The following VIL1 variants were observed in gnomAD, a reference collection of about 807,000 sequenced individuals.
The protein encoded by VIL1 is villin-1.
A neutral mutation model predicts 104.0 loss-of-function variants in VIL1; 86 were observed. The ratio of observed to expected loss-of-function variants is 0.83; its 90% CI spans 0.69 to 0.99. The LOEUF (loss-of-function observed/expected upper bound fraction) is 0.99, where lower values mean the gene tolerates loss of function less well. Among genes scored for constraint, VIL1 ranks in the 50% least tolerant of loss-of-function variants. VIL1 has a pLI of 0.00. For missense variants in VIL1, 944 were observed against 1,054.1 expected, an observed-to-expected ratio of 0.90 and a Z score of 1.45; for synonymous variants, 394 against 412.6, an observed-to-expected ratio of 0.95 and a Z score of 0.55.
In VIL1 at chr2:218,431,947, G is replaced by A; in HGVS notation, c.1193G>A (p.Gly398Glu). Reference sequence around the variant, plus strand: ...CAGAAGATGGTAGATGATGGGAGTGGGGAAGTGCAGGTATGTGAGGGCAGA... The same window carrying A: ...CAGAAGATGGTAGATGATGGGAGTGAGGAAGTGCAGGTATGTGAGGGCAGA... ...AQQKMVDDGS[G>E]EVQVWRIENL... Residue 398 changes from glycine to glutamate, a missense_variant, in exon 11 of 20, where the codon GGG (glycine) becomes GAG (glutamate). By Grantham distance (98) the Gly-to-Glu change is moderately conservative (BLOSUM62 -2). Transcript: ENST00000248444. 6.2e-7 allele frequency: 1 copy of A among 1,613,932 alleles called. No homozygotes were observed.
At chr2:218,436,913 A>G (rs1252900319) in intron 16 of VIL1, among the ~76,000 whole-genome samples, 14 of 152,190 alleles carry the variant, frequency 9.2e-5, no homozygotes, top group Non-Finnish European at 1.5e-5. Flanking sequence ...GGAGACACAC[A>G]TTTGCAGAAT....
intron 11 of VIL1, 37 bp from the exon 12 acceptor site, chr2:218,432,009 T>C (rs1342670839): frequency 6.2e-7 from 1 of 1,614,026 alleles, no homozygotes; most frequent in Admixed American, 1.7e-5. Context: ...TGGTGGAGCC[T>C]GTCCTGGACC....
At chr2:218,438,328 A>G (rs1449284662) in intron 17 of VIL1, among the ~76,000 whole-genome samples, 2 of 152,182 alleles carry the variant, frequency 1.3e-5, no homozygotes, top group African/African-American at 4.8e-5. Context: ...CAGAGCCTAC[A>G]TAGCCTAGGC....
intron 4 of VIL1, among the ~76,000 whole-genome samples, chr2:218,426,961 G>C (rs1257275462): frequency 6.6e-6 from 1 of 152,058 alleles, no homozygotes; most frequent in Non-Finnish European, 1.5e-5. Flanking sequence ...TGTTGCCCAG[G>C]CTGGTCTCAT....
chr2:218,431,845 C>T lies in VIL1; in HGVS notation c.1103-12C>T, dbSNP rs201449998. ...CTGGTGACAGTTGGTTTCATGATTT[C>T]CCCCACTCTAGCCAAAGTGGAACAG... On this transcript the variant is annotated splice_polypyrimidine_tract_variant and intron_variant, in intron 10 of 19. Coordinates refer to ENST00000248444, the MANE Select transcript of VIL1 (RefSeq NM_007127.3). 1.6e-5 allele frequency: 25 copies of T among 1,608,850 alleles called. No individual in the cohort carries two copies. Among genetic ancestry groups the T allele is most frequent in the African/African-American group, 5.3e-5 (4 of 74,920 alleles).
rs766916313 is a variant in VIL1, at chr2:218,452,638, C to A, written c.*3302C>A. On this transcript the variant is annotated 3_prime_UTR_variant, in exon 20 of 20. Transcript: ENST00000248444. Reference sequence around the variant, plus strand: ...CAACTCCTGCCCAAGACATGAAGATCAAATCAGGTTTCTGAGGTAAGTGTA... The same window carrying A: ...CAACTCCTGCCCAAGACATGAAGATAAAATCAGGTTTCTGAGGTAAGTGTA... The A allele has an allele frequency of 6.6e-6, 1 of 152,176 alleles. No homozygotes were observed. The highest frequency in any genetic ancestry group is 1.5e-5 in the Non-Finnish European group (1 of 68,028). The allele number at this position is 152,176 out of a possible 1,614,324, so 9.4% of individuals were successfully genotyped here.
intron 19 of VIL1, 148 bp downstream of exon 19, chr2:218,441,010 G>A: frequency 1.0e-6 from 1 of 957,336 alleles, no homozygotes; most frequent in East Asian, 2.6e-5. Flanking sequence ...ATCCCAGGAG[G>A]AGAGAGATCA....
intron 3 of VIL1, 21 bp from the exon 4 acceptor site, chr2:218,425,594 C>A: frequency 6.2e-7 from 1 of 1,613,004 alleles, no homozygotes; most frequent in Non-Finnish European, 8.5e-7. Flanking sequence ...GTCTCGGGTA[C>A]ACTGGACACC....
rs762907887 is a variant in VIL1 at position 218,427,980 on chromosome 2, C to T, written c.363C>T (p.Gly121=). The T allele has an allele frequency of 5.0e-6, 8 of 1,614,022 alleles. No individual in the cohort carries two copies. The highest frequency in any genetic ancestry group is 1.1e-5 in the South Asian group (1 of 91,080). Residue 121 remains glycine (G), a synonymous_variant, in exon 5 of 20, where the codon GGC becomes GGT. Coordinates refer to ENST00000248444, the MANE Select transcript of VIL1 (RefSeq NM_007127.3). ...CTCTTCTCAGGATCCGGAAAGGGGG[C>T]GTGGCTTCTGGCATGAAGCACGTGG... ...FKQGLVIRKG[G]VASGMKHVET... is the part of the protein sequence containing the mutation.
Position 218,425,741 on chromosome 2 carries a change from G to A in VIL1, c.277G>A (p.Ala93Thr). 2 of 1,614,212 alleles carry A rather than the reference G, an allele frequency of 1.2e-6. No individual in the cohort carries two copies. The highest frequency in any genetic ancestry group is 1.1e-5 in the South Asian group (1 of 91,090). The change falls in exon 4 of 20, where the codon GCT becomes ACT. Residue 93 changes from alanine to threonine, a missense_variant. Coordinates refer to ENST00000248444, the MANE Select transcript of VIL1 (RefSeq NM_007127.3). ...GATGGATGACTTCCTGAAGGGCCGG[G>A]CTGTGCAGCACCGCGAGGTCCAGGG... Reference protein sequence around the residue: ...TQMDDFLKGRAVQHREVQGNE... With the variant: ...TQMDDFLKGRTVQHREVQGNE...
In VIL1 at chr2:218,431,882, T is replaced by C. The variant is rs367908942; in HGVS notation, c.1128T>C (p.Asp376=). Residue 376 remains aspartate (D), a synonymous_variant, in exon 11 of 20, where the codon GAT becomes GAC. Coordinates refer to ENST00000248444, the MANE Select transcript of VIL1 (RefSeq NM_007127.3). The part of the protein sequence containing the change: ...SVAKVEQVKF[D]ATSMHVKPQV... Reference sequence around the variant, plus strand: ...CCAAAGTGGAACAGGTGAAGTTCGATGCCACATCCATGCATGTCAAGCCTC... The same window carrying C: ...CCAAAGTGGAACAGGTGAAGTTCGACGCCACATCCATGCATGTCAAGCCTC... 8.7e-5 allele frequency: 140 copies of C among 1,613,758 alleles called. No homozygotes were observed. Among genetic ancestry groups the C allele is most frequent in the Non-Finnish European group, 9.6e-5 (113 of 1,179,978 alleles).
Position 218,438,713 on chromosome 2 carries a change from G to T in VIL1, c.2216G>T (p.Ser739Ile). 1 of 1,612,020 alleles carries T rather than the reference G, an allele frequency of 6.2e-7. No individual in the cohort carries two copies. The change falls in exon 18 of 20, where the codon AGC becomes ATC. Residue 739 changes from serine to isoleucine, a missense_variant. By Grantham distance (142) the Ser-to-Ile change is moderately radical (BLOSUM62 -2). Transcript: ENST00000248444. The stretch of plus-strand genomic sequence containing the variant: ...GAGCTTGGCAACTCTAGGGACTGGA[G>T]CCAGATCACTGCTGTGAGTCCGGGG... ...KAELGNSRDW[S>I]QITAEVTSPK...
chr2:218,420,577 T>TG (rs1273858564), intron 1 of VIL1, among the ~76,000 whole-genome samples: 2 of 48,868 alleles, frequency 4.1e-5, no homozygotes, highest in African/African-American at 1.6e-4. Flanking sequence ...CATGAGTATT[T>TG]GTTTTTTTTT....
chr2:218,423,031 G>A (rs1200392037), intron 1 of VIL1, among the ~76,000 whole-genome samples: 1 of 152,218 alleles, frequency 6.6e-6, no homozygotes, highest in Non-Finnish European at 1.5e-5. Flanking sequence ...AGAGCCTGGA[G>A]CATCAGCACG....
intron 1 of VIL1, among the ~76,000 whole-genome samples, chr2:218,421,782 A>G (rs1465673829): frequency 3.3e-5 from 5 of 152,140 alleles, no homozygotes; most frequent in Non-Finnish European, 7.3e-5. Context: ...CTGATAAGCA[A>G]GAAGTGCCTG....
chr2:218,424,668 T>C, intron 3 of VIL1, among the ~76,000 whole-genome samples: 1 of 133,928 alleles, frequency 7.5e-6, no homozygotes, highest in Non-Finnish European at 1.5e-5. Flanking sequence ...TTTTTAAAAT[T>C]TTTTTCCGGA....
intron 4 of VIL1, among the ~76,000 whole-genome samples, chr2:218,426,042 C>A (rs1411083978): frequency 2.0e-5 from 3 of 152,162 alleles, no homozygotes; most frequent in Non-Finnish European, 4.4e-5. Context: ...CACTCCCTAA[C>A]TCTTATTTCT....
In VIL1 at chr2:218,432,108, T is replaced by C. The variant is rs1210046855; in HGVS notation, c.1266T>C (p.Tyr422=). ...ATTCCAAGTGGCTAGGCCACTTCTA[T>C]GGGGGCGACTGCTACCTGCTGCTCT... ...PVDSKWLGHF[Y]GGDCYLLLYT... is the part of the protein sequence containing the mutation. The change falls in exon 12 of 20, where the codon TAT becomes TAC. Residue 422 remains tyrosine, a synonymous_variant. Transcript: ENST00000248444. 6.2e-7 allele frequency: 1 copy of C among 1,614,046 alleles called. No homozygotes were observed. Among genetic ancestry groups the C allele is most frequent in the South Asian group, 1.1e-5 (1 of 91,072 alleles).
chr2:218,440,404 G>C (rs1349808180), intron 18 of VIL1, among the ~76,000 whole-genome samples: 2 of 152,034 alleles, frequency 1.3e-5, no homozygotes, highest in African/African-American at 4.8e-5. Context: ...TGAGTAGATG[G>C]GATTACAGGC....
Sources: gnomAD v4.1 joint callset for allele counts (sites outside exome capture counted in the v4.1 genomes callset) on GRCh38, gnomAD v4.1.1 for gene constraint, MANE v1.5 for transcripts, NCBI Gene and HGNC (gene_info 2026-07-23, HGNC 2026-07-21) for gene names.